The following BAZ1A variants were observed in gnomAD, a reference collection of about 807,000 sequenced individuals.
The protein encoded by BAZ1A is bromodomain adjacent to zinc finger domain protein 1A.
Under a neutral mutation model 185.2 loss-of-function variants are expected in BAZ1A, and 50 were observed. The observed-to-expected ratio is 0.27, with a 90% CI of 0.22 to 0.34. BAZ1A has a LOEUF of 0.34. BAZ1A is among the 10% of genes least tolerant of loss of function. BAZ1A has a pLI of 1.00. For synonymous variants in BAZ1A, 571 were observed against 615.6 expected, an observed-to-expected ratio of 0.93 and a Z score of 1.07; for missense variants, 1,356 against 1,839.9, an observed-to-expected ratio of 0.74 and a Z score of 4.81.
At chr14:34,770,418 G>A (rs575098557) in intron 21 of BAZ1A, among the ~76,000 whole-genome samples, 9 of 152,346 alleles carry the variant, frequency 5.9e-5, no homozygotes, top group African/African-American at 2.2e-4. Flanking sequence ...CTCCCAAAGT[G>A]CTGGGATTAC....
Position 34,783,227 on chromosome 14 carries a change from C to A in BAZ1A, c.2003G>T (p.Arg668Leu). ...KEREEAAARI[R>L]KRKEEKLKEQ... ...CTTAAGTTTTTCTTCCTTCCTTTTA[C>A]GAATTCTAAAAGTTAAAATGAAATA... The change falls in exon 16 of 27, where the codon CGT becomes CTT. Residue 668 changes from arginine (R) to leucine (L), a missense_variant. This residue lies in a region of BAZ1A where 434 missense variants were observed against 561.7 expected (regional missense o/e 0.77). Coordinates refer to ENST00000360310, the MANE Select transcript of BAZ1A (RefSeq NM_013448.3). 1 of 1,575,400 alleles carries A rather than the reference C, an allele frequency of 6.3e-7. No individual in the cohort carries two copies. Among genetic ancestry groups the A allele is most frequent in the Non-Finnish European group, 8.7e-7 (1 of 1,150,340 alleles).
intron 14 of BAZ1A, 46 bp downstream of exon 14, chr14:34,785,731 G>C (rs1450540265): frequency 4.3e-5 from 66 of 1,542,354 alleles, no homozygotes; most frequent in Non-Finnish European, 5.7e-5. Context: ...GGGCATAAGA[G>C]GGAGGAAGTG....
rs757530282 is a variant in BAZ1A at position 34,758,528 on chromosome 14, C to T, written c.4386+176G>A. 24 of 550,456 alleles carry T rather than the reference C, an allele frequency of 4.4e-5. No homozygotes were observed. The South Asian group carries it at 4.4e-4, about 10-fold the overall frequency. 34.1% of individuals were successfully genotyped at this position (550,456 alleles called of 1,614,324 possible). On this transcript the variant is annotated intron_variant, in intron 25 of 26. Transcript: ENST00000360310. ...CTGGGAGGCAGAGCTTGCAGTGAGCCGAGATCGCGCCACTGCACTCCAGCC... is the reference window on the plus strand; with the variant it reads ...CTGGGAGGCAGAGCTTGCAGTGAGCTGAGATCGCGCCACTGCACTCCAGCC...
rs773500177 is a variant in BAZ1A at position 34,836,378 on chromosome 14, CAAAAAAAAAAAAAAAAAAAAAAAA to C, written c.393-10246_393-10223del. ...TGGGCGACAGAGCGAGACTCCGTCTCAAAAAAAAAAAAAAAAAAAAAAAAAAAAAAAAAAAAAAAAACTTTCTAT... is the reference window on the plus strand; with the variant it reads ...TGGGCGACAGAGCGAGACTCCGTCTCAAAAAAAAAAAAAAAAACTTTCTAT... On this transcript the variant is annotated intron_variant, in intron 3 of 26. Transcript: ENST00000360310. 6.9e-4 allele frequency among the ~76,000 whole-genome samples: 9 copies of C among 13,120 alleles called. 2 individuals are homozygous for C. The Admixed American group carries it at 8.3e-3, about 12-fold the overall frequency. The allele number at this position is 13,120 out of a possible 152,430, so 8.6% of individuals were successfully genotyped here.
In BAZ1A at chr14:34,756,122, T is replaced by C. The variant is rs1219291690; in HGVS notation, c.4387-1208A>G. Among the ~76,000 whole-genome samples, 6 of 148,388 alleles carry C rather than the reference T, an allele frequency of 4.0e-5. No homozygotes were observed. The East Asian group carries it at 9.8e-4, about 24-fold the overall frequency. ...TCCCAAACTGGTTTTTTTCTTTTTT[T>C]TTTTTTTTTGAGACAGAGTCTCACT... On this transcript the variant is annotated intron_variant, in intron 25 of 26. Coordinates refer to ENST00000360310, the MANE Select transcript of BAZ1A (RefSeq NM_013448.3).
Position 34,787,993 on chromosome 14 carries a change from G to A in BAZ1A, c.1511-1772C>T, listed in dbSNP as rs74043555. Among the ~76,000 whole-genome samples, 544 of 151,934 alleles carry A rather than the reference G, an allele frequency of 3.6e-3. 6 individuals carry two copies. Among genetic ancestry groups the A allele is most frequent in the African/African-American group, 0.013 (521 of 41,476 alleles). ...CTAGTGCCTAGTAATGTGCCATTGA[G>A]ACAAGTCACTTAATCTGGGGTTCAT... On this transcript the variant is annotated intron_variant, in intron 12 of 26. Transcript: ENST00000360310.
intron 3 of BAZ1A, among the ~76,000 whole-genome samples, chr14:34,839,702 G>A (rs914209743): frequency 3.3e-5 from 5 of 151,510 alleles, no homozygotes; most frequent in Non-Finnish European, 2.9e-5. Context: ...AATTAGCTGG[G>A]CGTGGTGGCG....
intron 4 of BAZ1A, 61 bp from the exon 5 acceptor site, chr14:34,811,097 G>A: frequency 8.3e-7 from 1 of 1,208,784 alleles, no homozygotes; most frequent in Non-Finnish European, 1.2e-6. Flanking sequence ...AATTTTAAAT[G>A]AAAACCTAGT....
At chr14:34,846,558 T>C (rs1419078333) in intron 3 of BAZ1A, among the ~76,000 whole-genome samples, 2 of 152,262 alleles carry the variant, frequency 1.3e-5, no homozygotes, top group Non-Finnish European at 2.9e-5. Flanking sequence ...TAGCTTTATA[T>C]GCTATTTGAA....
chr14:34,864,718 C>T (rs2042826839), intron 2 of BAZ1A, among the ~76,000 whole-genome samples: 1 of 152,018 alleles, frequency 6.6e-6, no homozygotes, highest in Non-Finnish European at 1.5e-5. Flanking sequence ...GATCCACCCA[C>T]CTCAGCCTCC....
At chr14:34,834,575 A>T (rs1022526889) in intron 3 of BAZ1A, among the ~76,000 whole-genome samples, 2 of 152,230 alleles carry the variant, frequency 1.3e-5, no homozygotes, top group African/African-American at 4.8e-5. Context: ...AATTATATAA[A>T]TTGTAGTAAT....
At chr14:34,836,375 T>C (rs1173718919) in intron 3 of BAZ1A, among the ~76,000 whole-genome samples, 1 of 11,176 alleles carries the variant, frequency 8.9e-5, no homozygotes, top group Non-Finnish European at 1.6e-4. Context: ...CGAGACTCCG[T>C]CTCAAAAAAA....
intron 24 of BAZ1A, among the ~76,000 whole-genome samples, chr14:34,761,255 G>A (rs1199751152): frequency 3.3e-5 from 5 of 152,154 alleles, no homozygotes; most frequent in South Asian, 2.1e-4. Flanking sequence ...CCAGCCTGGC[G>A]ACAGAGCTAG....
intron 10 of BAZ1A, 145 bp downstream of exon 10, chr14:34,795,525 G>A (rs1881136966): frequency 1.9e-6 from 1 of 515,658 alleles, no homozygotes; most frequent in Admixed American, 3.9e-5. Flanking sequence ...GGAATTCTAA[G>A]TGTGAACATT....
At chr14:34,797,263 G>A (rs1805016383) in intron 9 of BAZ1A, among the ~76,000 whole-genome samples, 1 of 152,084 alleles carries the variant, frequency 6.6e-6, no homozygotes, top group Non-Finnish European at 1.5e-5. Context: ...ACAAATCAAA[G>A]TGTTAATTCT....
chr14:34,826,007 A>G lies in BAZ1A; in HGVS notation c.536+6T>C, dbSNP rs370364272. Reference sequence around the variant, plus strand: ...AATAATTTAAAAATTAATAAAAATCACTTACCCATTTTGAAAAGAACAGCT... The same window carrying G: ...AATAATTTAAAAATTAATAAAAATCGCTTACCCATTTTGAAAAGAACAGCT... On this transcript the variant is annotated splice_donor_region_variant and intron_variant, in intron 4 of 26. Transcript: ENST00000360310. 3.9e-6 allele frequency: 6 copies of G among 1,528,998 alleles called. No individual in the cohort carries two copies. Among genetic ancestry groups the G allele is most frequent in the Non-Finnish European group, 5.3e-6 (6 of 1,140,970 alleles). The allele number at this position is 1,528,998 out of a possible 1,614,324, so 94.7% of individuals were successfully genotyped here.
chr14:34,855,444 T>C (rs1295673049), intron 3 of BAZ1A, among the ~76,000 whole-genome samples: 1 of 152,230 alleles, frequency 6.6e-6, no homozygotes, highest in East Asian at 1.9e-4. Flanking sequence ...TCTGAACCTA[T>C]TTCTGGTTCA....
chr14:34,824,916 T>C (rs940786136), intron 4 of BAZ1A, among the ~76,000 whole-genome samples: 31 of 152,080 alleles, frequency 2.0e-4, no homozygotes, highest in Non-Finnish European at 2.9e-5. Context: ...GAAATAACGA[T>C]TTAGAATAGT....
chr14:34,865,005 T>C (rs2042834306), intron 2 of BAZ1A, among the ~76,000 whole-genome samples: 1 of 151,878 alleles, frequency 6.6e-6, no homozygotes, highest in Non-Finnish European at 1.5e-5. Flanking sequence ...CTTGATCTCC[T>C]GACCTGGTGA....
Sources: allele counts gnomAD v4.1 joint callset (sites outside exome capture counted in the v4.1 genomes callset), GRCh38; gene constraint gnomAD v4.1.1; regional missense constraint gnomAD v4.1.1; transcripts MANE v1.5; gene names NCBI Gene and HGNC (gene_info 2026-07-23, HGNC 2026-07-21).